The following GFOD2 variants were observed in gnomAD, a reference collection of about 807,000 sequenced individuals.
GFOD2 encodes glucose-fructose oxidoreductase domain-containing protein 2.
GFOD2 carries 9 observed loss-of-function variants against 24.6 expected under a neutral mutation model. The ratio of observed to expected loss-of-function variants is 0.37; its 90% CI spans 0.22 to 0.64. The LOEUF is 0.64. GFOD2 is among the 30% of genes least tolerant of loss of function. The pLI, the probability that GFOD2 is intolerant of heterozygous loss-of-function variation, is 0.65. For synonymous variants in GFOD2, 211 were observed against 224.8 expected, an observed-to-expected ratio of 0.94 and a Z score of 0.55; for missense variants, 476 against 532.5, an observed-to-expected ratio of 0.89 and a Z score of 1.04.
chr16:67,675,169 G>A lies in GFOD2; in HGVS notation c.1144C>T (p.Arg382Trp), dbSNP rs200247678. 7.8e-5 allele frequency: 126 copies of A among 1,612,498 alleles called. No homozygotes were observed. Among genetic ancestry groups the A allele is most frequent in the Middle Eastern group, 3.3e-4 (2 of 6,046 alleles). The change falls in exon 3 of 3, where the codon CGG becomes TGG. Residue 382 changes from arginine to tryptophan, a missense_variant. Physicochemically the swap from Arg to Trp is moderately radical, Grantham distance 101 (BLOSUM62 -3). Transcript: ENST00000268797. ...TNQNLCEALQ[R>W]NNL Reference sequence around the variant, plus strand: ...CAGGTGCAGGCTCATAGGTTGTTCCGCTGAAGTGCCTCACACAGGTTCTGG... The same window carrying A: ...CAGGTGCAGGCTCATAGGTTGTTCCACTGAAGTGCCTCACACAGGTTCTGG...
intron 1 of GFOD2, among the ~76,000 whole-genome samples, chr16:67,690,065 C>G (rs909734726): frequency 6.6e-6 from 1 of 152,164 alleles, no homozygotes; most frequent in East Asian, 1.9e-4. Flanking sequence ...ATGGCTGATC[C>G]ATTCCTCTAT....
chr16:67,707,495 T>C (rs1295267371), intron 1 of GFOD2, among the ~76,000 whole-genome samples: 4 of 151,958 alleles, frequency 2.6e-5, no homozygotes, highest in Non-Finnish European at 5.9e-5. Context: ...GTTAAACATA[T>C]ATCAACCCAA....
chr16:67,683,797 AG>A, intron 2 of GFOD2: 1 of 1,225,960 alleles, frequency 8.2e-7, no homozygotes, highest in East Asian at 3.2e-5. Context: ...GGAAGAGTGG[AG>A]GACAACCTCA....
chr16:67,683,951 T>C (rs2053246837), intron 2 of GFOD2: 1 of 1,016,658 alleles, frequency 9.8e-7, no homozygotes, highest in African/African-American at 1.7e-5. Context: ...TACCTTGTAA[T>C]GTGTGTTATT....
At chr16:67,695,756 G>A (rs1429313264) in intron 1 of GFOD2, among the ~76,000 whole-genome samples, 2 of 151,764 alleles carry the variant, frequency 1.3e-5, no homozygotes, top group African/African-American at 4.8e-5. Context: ...GGCTGGTCTC[G>A]AACTCCTGAC....
At chr16:67,716,607 C>G (rs964300863) in intron 1 of GFOD2, among the ~76,000 whole-genome samples, 4 of 152,176 alleles carry the variant, frequency 2.6e-5, no homozygotes, top group African/African-American at 9.7e-5. Flanking sequence ...TTCCATTTTA[C>G]CTTGACTTGA....
chr16:67,675,633 A>G lies in GFOD2; in HGVS notation c.680T>C (p.Met227Thr). 1 of 1,613,272 alleles carries G rather than the reference A, an allele frequency of 6.2e-7. No homozygotes were observed. The highest frequency in any genetic ancestry group is 8.5e-7 in the Non-Finnish European group (1 of 1,180,038). Reference protein sequence around the residue: ...VTSDDFCFFQMLMGGGVCSTV... With the variant: ...VTSDDFCFFQTLMGGGVCSTV... Reference sequence around the variant, plus strand: ...GCTACACACACCCCCACCCATGAGCATCTGGAAGAAACAGAAGTCATCGCT... The same window carrying G: ...GCTACACACACCCCCACCCATGAGCGTCTGGAAGAAACAGAAGTCATCGCT... Residue 227 changes from methionine to threonine, a missense_variant, in exon 3 of 3, where the codon ATG (methionine) becomes ACG (threonine). Met to Thr is a moderately conservative substitution (Grantham distance 81). Transcript: ENST00000268797.
intron 1 of GFOD2, among the ~76,000 whole-genome samples, chr16:67,718,475 C>T (rs927125801): frequency 7.2e-5 from 11 of 152,234 alleles, no homozygotes; most frequent in Non-Finnish European, 1.2e-4. Flanking sequence ...CCCAAGCCCT[C>T]ATGTCCCTGT....
At chr16:67,692,228 T>TAAAA (rs58414730) in intron 1 of GFOD2, among the ~76,000 whole-genome samples, 2 of 109,364 alleles carry the variant, frequency 1.8e-5, no homozygotes, top group Non-Finnish European at 4.0e-5. Context: ...ATGAACTTGG[T>TAAAA]AAAAAAAAAA....
intron 1 of GFOD2, among the ~76,000 whole-genome samples, chr16:67,714,232 C>A (rs1200941105): frequency 6.7e-6 from 1 of 148,648 alleles, no homozygotes; most frequent in African/African-American, 2.6e-5. Context: ...GTAATCCCAG[C>A]ACTTTGGGAG....
At chr16:67,694,013 G>A (rs1264461930) in intron 1 of GFOD2, among the ~76,000 whole-genome samples, 2 of 151,546 alleles carry the variant, frequency 1.3e-5, no homozygotes, top group African/African-American at 4.9e-5. Context: ...TTAAGACAGA[G>A]TCTTGCTCTA....
intron 1 of GFOD2, among the ~76,000 whole-genome samples, chr16:67,714,306 C>T (rs986118339): frequency 4.0e-5 from 6 of 150,890 alleles, no homozygotes; most frequent in Non-Finnish European, 5.9e-5. Context: ...TGACGAAACC[C>T]CATCTCTACT....
intron 1 of GFOD2, among the ~76,000 whole-genome samples, chr16:67,706,995 C>G (rs1174797602): frequency 6.7e-6 from 1 of 149,332 alleles, no homozygotes; most frequent in Non-Finnish European, 1.5e-5. Flanking sequence ...GGAGGTGGAG[C>G]TTGCAGTGAG....
intron 1 of GFOD2, among the ~76,000 whole-genome samples, chr16:67,690,256 C>T (rs944375306): frequency 2.6e-5 from 4 of 152,192 alleles, no homozygotes; most frequent in African/African-American, 9.7e-5. Flanking sequence ...ATACTGTTTT[C>T]CACAGTGGCT....
At chr16:67,715,080 C>T (rs1391274520) in intron 1 of GFOD2, among the ~76,000 whole-genome samples, 8 of 151,226 alleles carry the variant, frequency 5.3e-5, no homozygotes, top group Non-Finnish European at 1.2e-4. Context: ...TTTTTTGAGA[C>T]GTACTTTCGC....
At chr16:67,688,739 T>A (rs2053287029) in intron 1 of GFOD2, among the ~76,000 whole-genome samples, 2 of 148,170 alleles carry the variant, frequency 1.3e-5, no homozygotes, top group African/African-American at 5.0e-5. Context: ...ATTTACTTTT[T>A]TTTTTTTTTT....
rs1030404286 is a variant in GFOD2, at chr16:67,674,858, G to C, written c.*297C>G. On this transcript the variant is annotated 3_prime_UTR_variant, in exon 3 of 3. Transcript: ENST00000268797. Reference sequence around the variant, plus strand: ...TGTTAGGACTGCGGATCAGGCTGAAGGGCTCCCCAGGGTGAGCCTTTCCTG... The same window carrying C: ...TGTTAGGACTGCGGATCAGGCTGAACGGCTCCCCAGGGTGAGCCTTTCCTG... The C allele has an allele frequency of 5.0e-6, 2 of 396,114 alleles. No individual in the cohort carries two copies. Among genetic ancestry groups the C allele is most frequent in the South Asian group, 8.5e-5 (2 of 23,494 alleles). The allele number at this position is 396,114 out of a possible 1,614,324, so 24.5% of individuals were successfully genotyped here. A position where few individuals can be genotyped will look rare whatever the true frequency, so the allele number is the denominator to read the frequency against.
chr16:67,706,515 C>A (rs1441840084), intron 1 of GFOD2, among the ~76,000 whole-genome samples: 2 of 152,080 alleles, frequency 1.3e-5, no homozygotes, highest in African/African-American at 4.8e-5. Flanking sequence ...TGGCAAACAA[C>A]CTTAACCCCT....
chr16:67,706,059 T>C (rs1247260985), intron 1 of GFOD2, among the ~76,000 whole-genome samples: 1 of 136,886 alleles, frequency 7.3e-6, no homozygotes, highest in Non-Finnish European at 1.6e-5. Context: ...CTCAGCTCAC[T>C]GCAACCTCCG....
Sources: gnomAD v4.1 joint callset for allele counts (sites outside exome capture counted in the v4.1 genomes callset) on GRCh38, gnomAD v4.1.1 for gene constraint, MANE v1.5 for transcripts, NCBI Gene and HGNC (gene_info 2026-07-23, HGNC 2026-07-21) for gene names.